The following CDK6 variants were observed in gnomAD, a reference collection of about 807,000 sequenced individuals.
CDK6 encodes cyclin dependent kinase 6.
In CDK6, 6 loss-of-function variants were observed where a neutral mutation model predicts 37.1. The observed-to-expected ratio is 0.16, with a 90% CI of 0.09 to 0.32. The LOEUF is 0.32. Ranked by LOEUF, CDK6 falls within the 10% of genes least tolerant of loss-of-function variation. The probability of loss-of-function intolerance (pLI) is 1.00; values close to 1 mark genes in which losing one functional copy is unlikely to be tolerated. For missense variants in CDK6, 224 were observed against 418.9 expected, an observed-to-expected ratio of 0.53 and a Z score of 4.06; for synonymous variants, 160 against 161.3, an observed-to-expected ratio of 0.99 and a Z score of 0.06.
At chr7:92,782,847 A>G (rs1489258166) in intron 2 of CDK6, among the ~76,000 whole-genome samples, 1 of 152,230 alleles carries the variant, frequency 6.6e-6, no homozygotes, top group Non-Finnish European at 1.5e-5. Flanking sequence ...AAATGATTAA[A>G]TGACTTAAAA....
chr7:92,705,576 G>A (rs1797947511), intron 4 of CDK6, among the ~76,000 whole-genome samples: 1 of 152,170 alleles, frequency 6.6e-6, no homozygotes, highest in African/African-American at 2.4e-5. Context: ...GGCATTCAGA[G>A]CAGGAAGCAT....
At chr7:92,642,895 A>AC (rs1162169831) in intron 5 of CDK6, among the ~76,000 whole-genome samples, 1 of 142,558 alleles carries the variant, frequency 7.0e-6, no homozygotes, top group African/African-American at 2.6e-5. Flanking sequence ...TGAAAAAAGA[A>AC]TTTTTTTTTT....
intron 3 of CDK6, among the ~76,000 whole-genome samples, chr7:92,739,550 C>T (rs1369774597): frequency 6.6e-6 from 1 of 152,208 alleles, no homozygotes; most frequent in Admixed American, 6.5e-5. Flanking sequence ...TTCTCTCCTC[C>T]CAAACACATA....
intron 5 of CDK6, among the ~76,000 whole-genome samples, chr7:92,630,645 T>TG (rs1796029976): frequency 6.6e-6 from 1 of 152,164 alleles, no homozygotes; most frequent in Admixed American, 6.6e-5. Flanking sequence ...CCTGTCACTA[T>TG]GGGCTTCTTT....
intron 4 of CDK6, among the ~76,000 whole-genome samples, chr7:92,707,467 C>T (rs1381423547): frequency 1.3e-5 from 2 of 152,078 alleles, no homozygotes; most frequent in African/African-American, 4.8e-5. Flanking sequence ...TATCTCTTTG[C>T]CTATATTTGA....
chr7:92,645,964 C>T (rs994543629), intron 5 of CDK6, among the ~76,000 whole-genome samples: 8 of 152,174 alleles, frequency 5.3e-5, no homozygotes, highest in Non-Finnish European at 1.2e-4. Flanking sequence ...TTCATATAAT[C>T]CAACGGTGAT....
At chr7:92,761,054 T>C (rs1387459407) in intron 3 of CDK6, among the ~76,000 whole-genome samples, 1 of 152,052 alleles carries the variant, frequency 6.6e-6, no homozygotes, top group Non-Finnish European at 1.5e-5. Flanking sequence ...TAGTGGTTTG[T>C]AAGAGCTTTT....
chr7:92,665,734 T>C (rs1796941907), intron 5 of CDK6, among the ~76,000 whole-genome samples: 1 of 152,242 alleles, frequency 6.6e-6, no homozygotes, highest in Non-Finnish European at 1.5e-5. Flanking sequence ...TAAAATATCA[T>C]TGCTGCTACA....
intron 3 of CDK6, among the ~76,000 whole-genome samples, chr7:92,751,638 T>C (rs751880716): frequency 2.6e-5 from 4 of 152,232 alleles, no homozygotes; most frequent in East Asian, 1.9e-4. Context: ...ACAGTATGTA[T>C]TCCTCAATGG....
At chr7:92,649,704 T>C (rs1048287598) in intron 5 of CDK6, among the ~76,000 whole-genome samples, 2 of 152,230 alleles carry the variant, frequency 1.3e-5, no homozygotes, top group African/African-American at 4.8e-5. Context: ...TTCTGTCACT[T>C]GGCCAAGGCT....
intron 5 of CDK6, among the ~76,000 whole-genome samples, chr7:92,648,897 A>T (rs1228756195): frequency 6.6e-6 from 1 of 152,218 alleles, no homozygotes; most frequent in Non-Finnish European, 1.5e-5. Flanking sequence ...AAGTATAAAA[A>T]TCTCCTTTAC....
At chr7:92,773,467 C>T (rs1284760159) in intron 3 of CDK6, among the ~76,000 whole-genome samples, 2 of 152,154 alleles carry the variant, frequency 1.3e-5, no homozygotes, top group African/African-American at 4.8e-5. Context: ...CTATGCCCTG[C>T]TCTGCATGCT....
At chr7:92,703,867 A>G (rs1322264785) in intron 4 of CDK6, among the ~76,000 whole-genome samples, 2 of 152,190 alleles carry the variant, frequency 1.3e-5, no homozygotes, top group African/African-American at 2.4e-5. Context: ...TTACACTTCA[A>G]AATGAATTCA....
intron 4 of CDK6, among the ~76,000 whole-genome samples, chr7:92,718,125 G>C (rs894307644): frequency 6.6e-6 from 1 of 152,128 alleles, no homozygotes; most frequent in Non-Finnish European, 1.5e-5. Context: ...CCTCACTGGT[G>C]AAAGTGAAAA....
intron 5 of CDK6, among the ~76,000 whole-genome samples, chr7:92,640,404 T>C (rs1185115560): frequency 2.6e-5 from 4 of 152,216 alleles, no homozygotes; most frequent in Non-Finnish European, 5.9e-5. Flanking sequence ...GATTTTTCAA[T>C]AGATACAAAA....
chr7:92,777,377 G>A (rs189045583), intron 2 of CDK6, among the ~76,000 whole-genome samples: 4 of 152,304 alleles, frequency 2.6e-5, no homozygotes, highest in Admixed American at 2.0e-4. Context: ...AACCCGAGTG[G>A]CTGGGATTAC....
chr7:92,743,397 AAAATAAAAAT>A (rs1798978139), intron 3 of CDK6, among the ~76,000 whole-genome samples: 1 of 150,374 alleles, frequency 6.7e-6, no homozygotes, highest in Non-Finnish European at 1.5e-5. Flanking sequence ...ATAAATAAAT[AAAATAAAAAT>A]AAATAAAAAT....
intron 3 of CDK6, among the ~76,000 whole-genome samples, chr7:92,757,321 T>C (rs1799340450): frequency 6.6e-6 from 1 of 152,152 alleles, no homozygotes; most frequent in African/African-American, 2.4e-5. Context: ...CACCCTCAAG[T>C]AGACTCCAGT....
chr7:92,708,369 G>A (rs1470176579), intron 4 of CDK6, among the ~76,000 whole-genome samples: 1 of 152,104 alleles, frequency 6.6e-6, no homozygotes, highest in Non-Finnish European at 1.5e-5. Flanking sequence ...TCTATGTGAC[G>A]CCCGTTTCTT....
Sources: allele counts gnomAD v4.1 joint callset (sites outside exome capture counted in the v4.1 genomes callset), GRCh38; gene constraint gnomAD v4.1.1; transcripts MANE v1.5; gene names NCBI Gene and HGNC (gene_info 2026-07-23, HGNC 2026-07-21).